MEAK7: variants seen among roughly 807,000 people sequenced by gnomAD.
MEAK7 encodes MTOR associated protein MEAK7.
A neutral mutation model predicts 40.5 loss-of-function variants in MEAK7; 68 were observed. The ratio of observed to expected loss-of-function variants is 1.68; its 90% CI spans 1.38 to 2.06. MEAK7 has a LOEUF of 2.06. Among genes scored for constraint, MEAK7 ranks in the 30% most tolerant of loss-of-function variants. The pLI is 0.00. For synonymous variants in MEAK7, 338 were observed against 231.9 expected (o/e 1.46, Z -4.16); for missense variants, 918 against 580.5 (o/e 1.58, Z -5.98).
At chr16:84,484,863 A>G (rs1364259217) in intron 5 of MEAK7, among the ~76,000 whole-genome samples, 1 of 152,156 alleles carries the variant, frequency 6.6e-6, no homozygotes, top group Non-Finnish European at 1.5e-5. Flanking sequence ...AACAGAATGA[A>G]CTCGGGTTTG....
intron 1 of MEAK7, among the ~76,000 whole-genome samples, chr16:84,501,260 T>C (rs113185543): frequency 0.011 from 1,633 of 151,870 alleles, 26 homozygotes; most frequent in African/African-American, 0.038. Context: ...CACCAGGAAG[T>C]GGGAACAGCA....
chr16:84,482,312 A>C (rs528175932), intron 6 of MEAK7, among the ~76,000 whole-genome samples: 1 of 152,322 alleles, frequency 6.6e-6, no homozygotes, highest in Non-Finnish European at 1.5e-5. Flanking sequence ...AAAGGCTACA[A>C]ACCAATCATC....
chr16:84,484,643 C>T (rs561413290), intron 5 of MEAK7, among the ~76,000 whole-genome samples: 1 of 152,214 alleles, frequency 6.6e-6, no homozygotes, highest in African/African-American at 2.4e-5. Flanking sequence ...ATCCTCTGTA[C>T]TCAAGGAGGT....
chr16:84,486,810 C>T lies in MEAK7; in HGVS notation c.779G>A (p.Arg260Gln), dbSNP rs142709098. The T allele has an allele frequency of 9.3e-6, 15 of 1,613,846 alleles. No homozygotes were observed. The highest frequency in any genetic ancestry group is 5.0e-5 in the Admixed American group (3 of 59,992). ...CAGGCACCAGCGGTGCCGCTGCTCC[C>T]GAGGCAGCTGGGCGTTGATGTACAT... ...SVMYINAQLP[R>Q]EQRHRWCLLF... Residue 260 changes from arginine (R) to glutamine (Q), a missense_variant, in exon 5 of 8, where the codon CGG (arginine) becomes CAG (glutamine). Arg to Gln is a conservative substitution (Grantham distance 43). Transcript: ENST00000343629.
rs1453139358 is a variant in MEAK7 at position 84,489,296 on chromosome 16, A to C, written c.511T>G (p.Ser171Ala). Reference sequence around the variant, plus strand: ...CACTTGCCTTGCAGCTTCATGTCAGAGAGCAGCTGAGCAGCCAGCACCTGC... The same window carrying C: ...CACTTGCCTTGCAGCTTCATGTCAGCGAGCAGCTGAGCAGCCAGCACCTGC... ...RVQVLAAQLL[S>A]DMKLQDGKRL... is the part of the protein sequence containing the mutation. The change falls in exon 4 of 8, where the codon TCT (serine) becomes GCT (alanine). Residue 171 changes from serine (S) to alanine (A), a missense_variant. Ser to Ala is a moderately conservative substitution (Grantham distance 99). Coordinates refer to ENST00000343629, the MANE Select transcript of MEAK7 (RefSeq NM_020947.4). 5 of 1,614,094 alleles carry C rather than the reference A, an allele frequency of 3.1e-6. No homozygotes were observed. In the Admixed American group the frequency reaches 8.3e-5, roughly 27 times the overall value.
chr16:84,504,434 C>T (rs1178332728), intron 1 of MEAK7, among the ~76,000 whole-genome samples, 167 bp downstream of exon 1: 4 of 151,834 alleles, frequency 2.6e-5, no homozygotes, highest in Non-Finnish European at 5.9e-5. Context: ...CTCACCTCCC[C>T]GCAGCCTTCA....
chr16:84,501,450 T>C (rs1475019392), intron 1 of MEAK7, among the ~76,000 whole-genome samples: 1 of 151,912 alleles, frequency 6.6e-6, no homozygotes, highest in Non-Finnish European at 1.5e-5. Flanking sequence ...CCCACTGTGG[T>C]CGGAGAACAG....
chr16:84,498,544 G>A (rs946165459), intron 1 of MEAK7, among the ~76,000 whole-genome samples: 6 of 151,838 alleles, frequency 4.0e-5, no homozygotes, highest in African/African-American at 1.5e-4. Flanking sequence ...CAAAGTGTTG[G>A]GATTAGAGAT....
At chr16:84,497,176 T>C (rs913083029) in intron 2 of MEAK7, 3 of 326,448 alleles carry the variant, frequency 9.2e-6, no homozygotes, top group African/African-American at 6.5e-5. Flanking sequence ...ATGCTGCACA[T>C]TCTAGAAGAG....
intron 6 of MEAK7, 101 bp downstream of exon 6, chr16:84,482,491 G>T: frequency 6.4e-7 from 1 of 1,571,604 alleles, no homozygotes. Context: ...GGAACTGAAT[G>T]CCACGCGCCC....
At position 84,479,265 on chromosome 16, in the gene MEAK7, C is replaced by T. The variant is rs904860784; in HGVS notation, c.*648G>A. 2.0e-5 allele frequency: 3 copies of T among 152,272 alleles called. No individual in the cohort carries two copies. Among genetic ancestry groups the T allele is most frequent in the Admixed American group, 1.3e-4 (2 of 15,284 alleles). 9.4% of individuals were successfully genotyped at this position (152,272 alleles called of 1,614,324 possible). A position where few individuals can be genotyped will look rare whatever the true frequency, so the allele number is the denominator to read the frequency against. ...CGTCGAGATTTTCATCCAGATGCCT[C>T]TGTCCCTCACCCGTCAGAACAGACC... On this transcript the variant is annotated 3_prime_UTR_variant, in exon 8 of 8. Transcript: ENST00000343629.
At chr16:84,486,404 G>A in intron 5 of MEAK7, 2 of 1,326,376 alleles carry the variant, frequency 1.5e-6, no homozygotes, top group Non-Finnish European at 1.9e-6. Context: ...TAATAACTGG[G>A]CCCGTGTCCT....
chr16:84,488,297 AATACCTC>A (rs1267620282), intron 4 of MEAK7: 8 of 152,172 alleles, frequency 5.3e-5, no homozygotes, highest in African/African-American at 1.9e-4. Flanking sequence ...CCAAGTTCCA[AATACCTC>A]ATCTAAACTA....
intron 3 of MEAK7, 56 bp from the exon 4 acceptor site, chr16:84,489,478 G>A (rs1864267): frequency 0.059 from 89,500 of 1,526,034 alleles, 5,829 homozygotes; most frequent in East Asian, 0.36. Flanking sequence ...TGAGACCTAT[G>A]TCATGCCCAC....
chr16:84,499,068 C>T (rs997321335), intron 1 of MEAK7, among the ~76,000 whole-genome samples: 5 of 152,308 alleles, frequency 3.3e-5, no homozygotes, highest in Non-Finnish European at 7.4e-5. Flanking sequence ...TGTATGATCC[C>T]GGCCCGTGAG....
chr16:84,494,497 G>C (rs1913881886), intron 3 of MEAK7, among the ~76,000 whole-genome samples: 1 of 151,968 alleles, frequency 6.6e-6, no homozygotes, highest in African/African-American at 2.4e-5. Flanking sequence ...TCTTCTTAAA[G>C]CTCTGAGAAC....
intron 2 of MEAK7, among the ~76,000 whole-genome samples, chr16:84,496,572 T>C (rs906938209): frequency 2.0e-5 from 3 of 152,198 alleles, no homozygotes; most frequent in African/African-American, 7.2e-5. Context: ...GTTCTTCCAC[T>C]CATCGTGAGC....
chr16:84,504,380 C>A (rs1419837254), intron 1 of MEAK7, among the ~76,000 whole-genome samples: 1 of 152,162 alleles, frequency 6.6e-6, no homozygotes, highest in Non-Finnish European at 1.5e-5. Context: ...ATTCTGATCC[C>A]CCCCAGGAGA....
At chr16:84,503,665 C>T (rs1481590179) in intron 1 of MEAK7, among the ~76,000 whole-genome samples, 2 of 152,158 alleles carry the variant, frequency 1.3e-5, no homozygotes, top group East Asian at 3.9e-4. Context: ...ATAATGGGCC[C>T]AAGACAACAG....
Sources: allele counts gnomAD v4.1 joint callset (sites outside exome capture counted in the v4.1 genomes callset), GRCh38; gene constraint gnomAD v4.1.1; transcripts MANE v1.5; gene names NCBI Gene and HGNC (gene_info 2026-07-23, HGNC 2026-07-21).